ARHGAP8: variants seen among roughly 807,000 people sequenced by gnomAD.
The protein encoded by ARHGAP8 is rho GTPase-activating protein 8.
In ARHGAP8, 62 loss-of-function variants were observed where a neutral mutation model predicts 46.1. The ratio of observed to expected loss-of-function variants is 1.34; its 90% CI spans 1.10 to 1.66. ARHGAP8 has a LOEUF of 1.66. ARHGAP8 is among the 40% of genes most tolerant of loss of function. The probability of loss-of-function intolerance (pLI) is 0.00; values close to 1 mark genes in which losing one functional copy is unlikely to be tolerated. For missense variants in ARHGAP8, 923 were observed against 568.4 expected (o/e 1.62, Z -6.34); for synonymous variants, 375 against 243.1 (o/e 1.54, Z -5.05).
At position 44,848,053 on chromosome 22, in the gene ARHGAP8, G is replaced by A. The variant is rs1024330; in HGVS notation, c.748+3G>A. On this transcript the variant is annotated splice_donor_region_variant and intron_variant, in intron 9 of 11. Transcript: ENST00000356099. ...GATCCAGAGGCTCTACAACCAAGGTGAGGGTGTCCCGCAGTCCTGAGCCCC... is the reference window on the plus strand; with the variant it reads ...GATCCAGAGGCTCTACAACCAAGGTAAGGGTGTCCCGCAGTCCTGAGCCCC... 4,496 of 1,605,768 alleles carry A rather than the reference G, an allele frequency of 2.8e-3. 20 individuals carry two copies. The highest frequency in any genetic ancestry group is 0.015 in the Middle Eastern group (90 of 6,062).
In ARHGAP8 at chr22:44,862,269, C is replaced by T. The variant is rs192944869; in HGVS notation, c.982-6C>T. On this transcript the variant is annotated splice_region_variant and splice_polypyrimidine_tract_variant and intron_variant, in intron 11 of 11. Transcript: ENST00000356099. ...CTCCCCTTTACTTGTGTGTGGTTTCCTCCAGGTGTCCCGGGAGAGCATCTT... is the reference window on the plus strand; with the variant it reads ...CTCCCCTTTACTTGTGTGTGGTTTCTTCCAGGTGTCCCGGGAGAGCATCTT... 7.6e-6 allele frequency: 12 copies of T among 1,583,290 alleles called. No homozygotes were observed. In the East Asian group the frequency reaches 1.1e-4, roughly 15 times the overall value.
At chr22:44,763,568 G>A (rs562489399) in intron 1 of ARHGAP8, among the ~76,000 whole-genome samples, 5 of 150,412 alleles carry the variant, frequency 3.3e-5, no homozygotes, top group Non-Finnish European at 7.4e-5. Context: ...AAAAATGAAC[G>A]CATTAAAGAT....
At chr22:44,811,704 G>A (rs968848308) in intron 4 of ARHGAP8, among the ~76,000 whole-genome samples, 12 of 152,306 alleles carry the variant, frequency 7.9e-5, no homozygotes, top group African/African-American at 2.2e-4. Flanking sequence ...AGGTATGCGA[G>A]TGGTGCTCCA....
chr22:44,836,003 T>C (rs5765043), intron 7 of ARHGAP8, among the ~76,000 whole-genome samples: 19,164 of 152,104 alleles, frequency 0.13, 1,548 homozygotes, highest in East Asian at 0.31. Context: ...TTCTGAGCCG[T>C]GTGTGCCAAT....
rs538218598 is a variant in ARHGAP8 at position 44,791,752 on chromosome 22, C to T, written c.79+5146C>T. Among the ~76,000 whole-genome samples the T allele has an allele frequency of 2.6e-5, 4 of 152,180 alleles. No homozygotes were observed. In the East Asian group the frequency reaches 7.7e-4, roughly 29 times the overall value. On this transcript the variant is annotated intron_variant, in intron 2 of 11. Transcript: ENST00000356099. ...CCCCCAGCTTCTTGAGAAACTTAAC[C>T]ATATCAAGAGACCATATGAGGGCCT...
intron 2 of ARHGAP8, among the ~76,000 whole-genome samples, chr22:44,788,998 A>G (rs367588981): frequency 1.2e-4 from 18 of 152,328 alleles, no homozygotes; most frequent in African/African-American, 4.1e-4. Context: ...AGTTGTGTTC[A>G]CATCTCCTAC....
At chr22:44,782,354 TGAAAA>T (rs1267098026) in intron 1 of ARHGAP8, among the ~76,000 whole-genome samples, 1 of 152,020 alleles carries the variant, frequency 6.6e-6, no homozygotes, top group East Asian at 1.9e-4. Flanking sequence ...AAAAAATAAA[TGAAAA>T]GAATAAATTA....
At chr22:44,826,067 C>A (rs1930501466) in intron 7 of ARHGAP8, among the ~76,000 whole-genome samples, 1 of 152,042 alleles carries the variant, frequency 6.6e-6, no homozygotes, top group African/African-American at 2.4e-5. Flanking sequence ...CACTTCCCAC[C>A]ACCTTCAAGG....
intron 5 of ARHGAP8, among the ~76,000 whole-genome samples, chr22:44,820,595 G>A (rs1266410316): frequency 6.6e-6 from 1 of 152,134 alleles, no homozygotes; most frequent in African/African-American, 2.4e-5. Context: ...GGGGGCTGGG[G>A]TGCAGGCACT....
At chr22:44,797,221 T>C (rs1027016576) in intron 2 of ARHGAP8, among the ~76,000 whole-genome samples, 2 of 151,590 alleles carry the variant, frequency 1.3e-5, no homozygotes, top group Non-Finnish European at 1.5e-5. Flanking sequence ...ACTTGGCTTT[T>C]TTTTTTTTTT....
At chr22:44,859,891 G>C (rs2213529) in intron 11 of ARHGAP8, 57 bp downstream of exon 11, 203,397 of 1,580,222 alleles carry the variant, frequency 0.13, 13,820 homozygotes, top group African/African-American at 0.18. Context: ...CTCCCATGCT[G>C]GGCCCGCATG....
At chr22:44,835,231 C>CTATATATATATATATATA (rs71188491) in intron 7 of ARHGAP8, among the ~76,000 whole-genome samples, 1 of 146,880 alleles carries the variant, frequency 6.8e-6, no homozygotes, top group African/African-American at 2.5e-5. Flanking sequence ...GTTTCTTTTG[C>CTATATATATATATATATA]TATATATATA....
chr22:44,814,836 T>C, intron 5 of ARHGAP8, 78 bp downstream of exon 5: 2 of 1,528,428 alleles, frequency 1.3e-6, no homozygotes, highest in East Asian at 2.3e-5. Flanking sequence ...GCCTTCCCTA[T>C]CCACGCATCA....
chr22:44,854,835 ACCATGTTG>A (rs1301175351), intron 10 of ARHGAP8, among the ~76,000 whole-genome samples: 1 of 152,070 alleles, frequency 6.6e-6, no homozygotes, highest in African/African-American at 2.4e-5. Context: ...ACGGGGTTTC[ACCATGTTG>A]CCATGTTGGC....
At chr22:44,755,853 C>A (rs1180915198) in intron 1 of ARHGAP8, among the ~76,000 whole-genome samples, 1 of 152,134 alleles carries the variant, frequency 6.6e-6, no homozygotes, top group African/African-American at 2.4e-5. Flanking sequence ...ATGGGGCCTG[C>A]CTTCCTCTCT....
chr22:44,806,387 T>C (rs1165727917), intron 3 of ARHGAP8, among the ~76,000 whole-genome samples: 1 of 152,212 alleles, frequency 6.6e-6, no homozygotes. Flanking sequence ...GTGATTTCTC[T>C]ACATCAAAGC....
intron 3 of ARHGAP8, among the ~76,000 whole-genome samples, chr22:44,806,668 G>T (rs576847816): frequency 6.6e-6 from 1 of 152,142 alleles, no homozygotes; most frequent in Admixed American, 6.6e-5. Flanking sequence ...GAAATCAAAC[G>T]CACAGGCCGG....
Position 44,862,388 on chromosome 22 carries a change from C to T in ARHGAP8, c.1095C>T (p.Pro365=). 3 of 1,614,140 alleles carry T rather than the reference C, an allele frequency of 1.9e-6. No individual in the cohort carries two copies. The highest frequency in any genetic ancestry group is 1.3e-5 in the African/African-American group (1 of 75,036). ...QGVSSLSALV[P]LNMFTELLIE... ...TCTCCTCCCTGAGTGCCCTTGTGCC[C>T]CTGAACATGTTCACTGAACTGCTGA... Residue 365 remains proline, a synonymous_variant, in exon 12 of 12, where the codon CCC becomes CCT. Transcript: ENST00000356099.
chr22:44,793,912 T>G (rs1316895112), intron 2 of ARHGAP8, among the ~76,000 whole-genome samples: 1 of 152,220 alleles, frequency 6.6e-6, no homozygotes, highest in Non-Finnish European at 1.5e-5. Context: ...TCAACACAGA[T>G]GCGGCATTGA....
Sources: gnomAD v4.1 joint callset for allele counts (sites outside exome capture counted in the v4.1 genomes callset) on GRCh38, gnomAD v4.1.1 for gene constraint, MANE v1.5 for transcripts, NCBI Gene and HGNC (gene_info 2026-07-23, HGNC 2026-07-21) for gene names.